Variants in ZNF536 observed in about 807,000 individuals in gnomAD.
ZNF536 encodes zinc finger protein 536.
Under a neutral mutation model 84.5 loss-of-function variants are expected in ZNF536, and 13 were observed. The observed-to-expected ratio is 0.15, with a 90% CI of 0.10 to 0.24. The LOEUF is 0.24. ZNF536 is among the 10% of genes least tolerant of loss of function. The pLI, the probability that ZNF536 is intolerant of heterozygous loss-of-function variation, is 1.00. For synonymous variants in ZNF536, 811 were observed against 742.5 expected, an observed-to-expected ratio of 1.09 and a Z score of -1.50; for missense variants, 1,536 against 1,747.5, an observed-to-expected ratio of 0.88 and a Z score of 2.16.
upstream of ZNF536, among the ~76,000 whole-genome samples, chr19:30,370,402 G>T (rs113807615): frequency 2.3e-3 from 353 of 152,214 alleles, 1 homozygote; most frequent in African/African-American, 8.1e-3. Context: ...TTTGTTCTTT[G>T]GGGAACCAAT....
upstream of ZNF536, among the ~76,000 whole-genome samples, chr19:30,226,071 C>T (rs1431714643): frequency 2.6e-5 from 4 of 151,958 alleles, no homozygotes; most frequent in Admixed American, 2.6e-4. This position sits in a 1 kb window ranked among gnomAD's most constrained non-coding sequence, Gnocchi z 4.6. Flanking sequence ...GGTCCCGGGA[C>T]CGTTACTTTG....
chr19:30,542,868 G>A (rs2146076577), intron 3 of ZNF536, among the ~76,000 whole-genome samples: 1 of 152,332 alleles, frequency 6.6e-6, no homozygotes, highest in East Asian at 1.9e-4. Context: ...TTGGTGTGCA[G>A]TGGTGCAATC....
chr19:30,322,967 A>G (rs1339248511), intron 2 of ZNF536, among the ~76,000 whole-genome samples: 1 of 152,212 alleles, frequency 6.6e-6, no homozygotes, highest in Non-Finnish European at 1.5e-5. Flanking sequence ...CCATGTTGGC[A>G]GAGGTACTGG....
At chr19:30,661,091 T>C (rs957000372) in intron 1 of ZNF536, among the ~76,000 whole-genome samples, 1 of 152,192 alleles carries the variant, frequency 6.6e-6, no homozygotes. Context: ...TTAAACAAGA[T>C]AAGAGACCAG....
At chr19:30,638,120 C>T (rs1170112845) in intron 1 of ZNF536, among the ~76,000 whole-genome samples, 1 of 152,148 alleles carries the variant, frequency 6.6e-6, no homozygotes, top group Non-Finnish European at 1.5e-5. Context: ...GTTGACACTG[C>T]TTCTGGTCTC....
intron 4 of ZNF536, among the ~76,000 whole-genome samples, chr19:30,550,707 A>G (rs973829827): frequency 2.0e-5 from 3 of 152,222 alleles, no homozygotes; most frequent in Non-Finnish European, 4.4e-5. Context: ...AAGCACAGAG[A>G]AGAATTCAGG....
At chr19:30,469,388 G>C (rs528120748) in intron 2 of ZNF536, among the ~76,000 whole-genome samples, 225 of 152,162 alleles carry the variant, frequency 1.5e-3, no homozygotes, top group Middle Eastern at 6.8e-3. Context: ...CTCCAGCCTG[G>C]GCAACAGAGT....
At chr19:30,543,940 G>A (rs565428726) in intron 3 of ZNF536, among the ~76,000 whole-genome samples, 43 of 152,266 alleles carry the variant, frequency 2.8e-4, no homozygotes, top group Admixed American at 2.6e-3. Context: ...CCCTGGCCGG[G>A]GCTCACTTTC....
chr19:30,232,357 G>A (rs1393435634), intron 1 of ZNF536, among the ~76,000 whole-genome samples: 3 of 152,158 alleles, frequency 2.0e-5, no homozygotes, highest in Non-Finnish European at 2.9e-5. Context: ...GTGATGCTGA[G>A]GTCTGGGGTA....
intron 2 of ZNF536, among the ~76,000 whole-genome samples, chr19:30,526,390 AT>A (rs2145804412): frequency 6.6e-6 from 1 of 152,338 alleles, no homozygotes; most frequent in East Asian, 1.9e-4. Context: ...GGGTGGCCTA[AT>A]CCCCAGCAGG....
At chr19:30,634,403 T>G (rs1241821867) in intron 1 of ZNF536, among the ~76,000 whole-genome samples, 1 of 152,168 alleles carries the variant, frequency 6.6e-6, no homozygotes, top group Non-Finnish European at 1.5e-5. Context: ...AAGCTCTGGC[T>G]AAGAACTTGA....
chr19:30,392,280 G>A (rs1360373928), intron 1 of ZNF536, among the ~76,000 whole-genome samples: 1 of 152,174 alleles, frequency 6.6e-6, no homozygotes, highest in Non-Finnish European at 1.5e-5. Flanking sequence ...CCTGGGGCGA[G>A]GGAGGTAGGG....
intron 1 of ZNF536, among the ~76,000 whole-genome samples, chr19:30,230,418 G>T (rs2022944850): frequency 6.6e-6 from 1 of 152,196 alleles, no homozygotes; most frequent in Admixed American, 6.5e-5. Context: ...CTAGAGCTCT[G>T]AAAGCCCATC....
At chr19:30,648,644 C>T (rs2049570511) in intron 1 of ZNF536, among the ~76,000 whole-genome samples, 1 of 152,208 alleles carries the variant, frequency 6.6e-6, no homozygotes, top group Non-Finnish European at 1.5e-5. Context: ...GGCAAGCAGC[C>T]TGTGCTGTTC....
intron 2 of ZNF536, among the ~76,000 whole-genome samples, chr19:30,292,038 G>A (rs368694907): frequency 4.6e-5 from 7 of 152,330 alleles, no homozygotes; most frequent in African/African-American, 1.7e-4. Flanking sequence ...GACAGAGACT[G>A]TGTGGCCCGC....
chr19:30,515,510 A>G (rs1002458825), intron 2 of ZNF536, among the ~76,000 whole-genome samples: 2 of 152,112 alleles, frequency 1.3e-5, no homozygotes, highest in Non-Finnish European at 2.9e-5. Flanking sequence ...CCTCATGGGA[A>G]GTGTCCCGTG....
At chr19:30,570,421 G>T (rs947326145) in intron 1 of ZNF536, among the ~76,000 whole-genome samples, 1 of 152,204 alleles carries the variant, frequency 6.6e-6, no homozygotes, top group African/African-American at 2.4e-5. Flanking sequence ...CCGGGAGCCA[G>T]CCTTTTCTTC....
At chr19:30,322,564 C>A (rs1033967602) in intron 2 of ZNF536, among the ~76,000 whole-genome samples, 2 of 152,208 alleles carry the variant, frequency 1.3e-5, no homozygotes, top group Non-Finnish European at 2.9e-5. Flanking sequence ...TCCTGCCCCC[C>A]TGGCCAGGCC....
At chr19:30,306,484 C>T (rs1206965687) in intron 2 of ZNF536, among the ~76,000 whole-genome samples, 1 of 152,218 alleles carries the variant, frequency 6.6e-6, no homozygotes. Context: ...TTACCTCTAA[C>T]ACGTTGATAG....
Sources: allele counts gnomAD v4.1 joint callset (sites outside exome capture counted in the v4.1 genomes callset), GRCh38; gene constraint gnomAD v4.1.1; non-coding constraint Gnocchi (gnomAD v3.1); transcripts MANE v1.5; gene names NCBI Gene and HGNC (gene_info 2026-07-23, HGNC 2026-07-21).